Variants in AIMP2 observed in about 807,000 individuals in gnomAD.
AIMP2 encodes the protein aminoacyl tRNA synthase complex-interacting multifunctional protein 2.
A neutral mutation model predicts 23.4 loss-of-function variants in AIMP2; 20 were observed. That is an observed-to-expected ratio of 0.85 (90% CI 0.60 to 1.24). The LOEUF (loss-of-function observed/expected upper bound fraction) is 1.24. Among genes scored for constraint, AIMP2 ranks in the 50% most tolerant of loss-of-function variants. The pLI, the probability that AIMP2 is intolerant of heterozygous loss-of-function variation, is 0.00. For missense variants in AIMP2, 515 were observed against 414.5 expected (o/e 1.24, Z -2.10); for synonymous variants, 210 against 170.4 (o/e 1.23, Z -1.81).
At chr7:6,009,980 T>TAC (rs1786503240) in intron 1 of AIMP2, among the ~76,000 whole-genome samples, 2 of 67,094 alleles carry the variant, frequency 3.0e-5, no homozygotes, top group Non-Finnish European at 3.1e-5. Flanking sequence ...AAAAAATATA[T>TAC]ATATATATAT....
intron 3 of AIMP2, among the ~76,000 whole-genome samples, chr7:6,018,994 A>C (rs1310821932): frequency 1.0e-5 from 1 of 95,600 alleles, no homozygotes; most frequent in East Asian, 3.2e-4. Context: ...CACACACAAT[A>C]CATGGCACCA....
chr7:6,020,388 T>C (rs1400904944), intron 3 of AIMP2, among the ~76,000 whole-genome samples: 1 of 151,928 alleles, frequency 6.6e-6, no homozygotes, highest in Non-Finnish European at 1.5e-5. Context: ...ACCACTATAC[T>C]CCAGCCTGGG....
At chr7:6,012,986 G>A (rs1786785789) in intron 1 of AIMP2, 3 of 979,334 alleles carry the variant, frequency 3.1e-6, no homozygotes, top group Non-Finnish European at 3.6e-6. Context: ...TAAGCCCGAA[G>A]GTAAATAGGA....
At chr7:6,012,858 C>T in intron 1 of AIMP2, 5 of 994,424 alleles carry the variant, frequency 5.0e-6, no homozygotes, top group Non-Finnish European at 6.0e-6. Flanking sequence ...AGCCAGCACT[C>T]AATAATTTAA....
At chr7:6,015,108 G>A in intron 1 of AIMP2, 38 bp from the exon 2 acceptor site, 2 of 1,613,294 alleles carry the variant, frequency 1.2e-6, no homozygotes, top group Non-Finnish European at 1.7e-6. Flanking sequence ...CTGGTCTGAT[G>A]GGAGAGGAAA....
At chr7:6,011,157 A>C (rs1256908882) in intron 1 of AIMP2, among the ~76,000 whole-genome samples, 1 of 152,148 alleles carries the variant, frequency 6.6e-6, no homozygotes, top group Non-Finnish European at 1.5e-5. Context: ...GAATACTCTT[A>C]TACAGAGGAG....
At position 6,023,671 on chromosome 7, in the gene AIMP2, GCCCTCAAGC is replaced by G; in HGVS notation, c.944_952del (p.Ala315_Leu318delinsVal). Reference sequence around the variant, plus strand: ...TGAAAACCTGGCTCCTTTTAACACGGCCCTCAAGCTCCTTAAGTGAATTGCCGTAACTGA... The same window carrying G: ...TGAAAACCTGGCTCCTTTTAACACGGTCCTTAAGTGAATTGCCGTAACTGA... On this transcript the variant is annotated inframe_deletion, in exon 4 of 4. Transcript: ENST00000223029. The G allele has an allele frequency of 6.2e-7, 1 of 1,614,072 alleles. No homozygotes were observed. The highest frequency in any genetic ancestry group is 1.1e-5 in the South Asian group (1 of 91,064).
intron 1 of AIMP2, among the ~76,000 whole-genome samples, chr7:6,011,181 T>C (rs1786666512): frequency 6.6e-6 from 1 of 152,144 alleles, no homozygotes; most frequent in South Asian, 2.1e-4. Context: ...GCATGGGGTA[T>C]GTACTAATGA....
intron 3 of AIMP2, among the ~76,000 whole-genome samples, chr7:6,020,441 G>A (rs1035031058): frequency 6.6e-6 from 1 of 152,054 alleles, no homozygotes; most frequent in African/African-American, 2.4e-5. Context: ...AAAAGAAAAT[G>A]CAGCTTTTAT....
Position 6,015,225 on chromosome 7 carries a change from C to G in AIMP2, c.215C>G (p.Ala72Gly). Reference protein sequence around the residue: ...ILKRLYELKAAVDGLSKMIQT... With the variant: ...ILKRLYELKAGVDGLSKMIQT... ...AAACGTCTGTATGAGTTGAAAGCTG[C>G]AGTTGATGGCCTCTCCAAGATGATT... Residue 72 changes from alanine to glycine, a missense_variant, in exon 2 of 4, where the codon GCA becomes GGA. By Grantham distance (60) the Ala-to-Gly change is moderately conservative (BLOSUM62 0). Transcript: ENST00000223029. The G allele has an allele frequency of 6.2e-7, 1 of 1,614,142 alleles. No individual in the cohort carries two copies. Among genetic ancestry groups the G allele is most frequent in the Non-Finnish European group, 8.5e-7 (1 of 1,180,024 alleles).
At chr7:6,021,978 C>T (rs1356426738) in intron 3 of AIMP2, among the ~76,000 whole-genome samples, 1 of 152,164 alleles carries the variant, frequency 6.6e-6, no homozygotes, top group Admixed American at 6.5e-5. Context: ...CTCTTCCACC[C>T]AAGACAGCAA....
rs143172305 is a variant in AIMP2 at position 6,009,462 on chromosome 7, G to T, written c.99G>T (p.Arg33Ser). 3 of 1,608,652 alleles carry T rather than the reference G, an allele frequency of 1.9e-6. No homozygotes were observed. In the South Asian group the frequency reaches 3.3e-5, roughly 18 times the overall value. The change falls in exon 1 of 4, where the codon AGG (arginine) becomes AGT (serine). Residue 33 changes from arginine (R) to serine (S), a missense_variant. By Grantham distance (110) the Arg-to-Ser change is moderately radical (BLOSUM62 -1). Transcript: ENST00000223029. ...CMYRLPNVHGRSYGPAPGAGH... is the reference protein window; with the variant it reads ...CMYRLPNVHGSSYGPAPGAGH... ...ACCGGCTCCCCAACGTGCACGGCAGGAGCTACGGCCCAGCGCCGGGCGCTG... is the reference window on the plus strand; with the variant it reads ...ACCGGCTCCCCAACGTGCACGGCAGTAGCTACGGCCCAGCGCCGGGCGCTG...
chr7:6,018,712 T>C (rs997544668), intron 3 of AIMP2, among the ~76,000 whole-genome samples: 15 of 151,588 alleles, frequency 9.9e-5, no homozygotes, highest in African/African-American at 3.4e-4. Context: ...CAGGCGCCTG[T>C]AATCCCAGCT....
chr7:6,015,472 T>G, intron 2 of AIMP2, 120 bp downstream of exon 2: 1 of 1,090,310 alleles, frequency 9.2e-7, no homozygotes, highest in Non-Finnish European at 1.3e-6. Flanking sequence ...CGCCTGTAAT[T>G]CCAGCACTTT....
chr7:6,009,283 G>A lies in AIMP2; in HGVS notation c.-81G>A. On this transcript the variant is annotated 5_prime_UTR_variant, in exon 1 of 4. Transcript: ENST00000223029. ...CCCGCAGCAGGGTCAGAAGGGAGGT[G>A]GCCGGTCTCCGTCGTGACCTCTGAC... 6.2e-7 allele frequency: 1 copy of A among 1,606,022 alleles called. No homozygotes were observed. Among genetic ancestry groups the A allele is most frequent in the East Asian group, 2.2e-5 (1 of 44,852 alleles).
At chr7:6,009,807 C>T (rs1786431098) in intron 1 of AIMP2, among the ~76,000 whole-genome samples, 1 of 149,536 alleles carries the variant, frequency 6.7e-6, no homozygotes, top group African/African-American at 2.5e-5. Flanking sequence ...AGAAATTGGC[C>T]GGGTGTGGTG....
At chr7:6,009,552 C>T (rs1317158032) in intron 1 of AIMP2, 54 bp downstream of exon 1, 1 of 1,376,738 alleles carries the variant, frequency 7.3e-7, no homozygotes, top group South Asian at 1.7e-5. Flanking sequence ...CGGCTGCTGG[C>T]CCGGGTCCCC....
At chr7:6,018,140 CTTTTTCTTT>C in intron 3 of AIMP2, 95 bp downstream of exon 3, 2 of 703,050 alleles carry the variant, frequency 2.8e-6, no homozygotes, top group East Asian at 3.1e-5. Flanking sequence ...GGATTTTTTT[CTTTTTCTTT>C]TTTTTTTTTT....
chr7:6,009,974 A>AAAAATATACATATATATATATATAT lies in AIMP2; in HGVS notation c.135+477_135+478insAAATATACATATATATATATATATA. On this transcript the variant is annotated intron_variant, in intron 1 of 3. Transcript: ENST00000223029. ...CAAAAAAAAAAAAAAAAAAAAAAAA[A>AAAAATATACATATATATATATATAT]ATATATATATATATATATGTATGTA... Among the ~76,000 whole-genome samples the AAAAATATACATATATATATATATAT allele has an allele frequency of 6.7e-4, 18 of 26,674 alleles. 2 individuals are homozygous for AAAAATATACATATATATATATATAT. The highest frequency in any genetic ancestry group is 2.4e-3 in the African/African-American group (17 of 7,146). 17.5% of individuals were successfully genotyped at this position (26,674 alleles called of 152,430 possible). A position where few individuals can be genotyped will look rare whatever the true frequency, so the allele number is the denominator to read the frequency against.
Sources: gnomAD v4.1 joint callset for allele counts (sites outside exome capture counted in the v4.1 genomes callset) on GRCh38, gnomAD v4.1.1 for gene constraint, MANE v1.5 for transcripts, NCBI Gene and HGNC (gene_info 2026-07-23, HGNC 2026-07-21) for gene names.